Variants in EPM2A observed in about 807,000 individuals in gnomAD.
EPM2A encodes the protein laforin.
A neutral mutation model predicts 26.5 loss-of-function variants in EPM2A; 21 were observed. The observed-to-expected ratio is 0.79, with a 90% confidence interval of 0.56 to 1.14. The LOEUF is 1.14. Among genes scored for constraint, EPM2A ranks in the 50% most tolerant of loss-of-function variants. The pLI is 0.00. For missense variants in EPM2A, 458 were observed against 440.8 expected (o/e 1.04, Z -0.35); for synonymous variants, 217 against 177.6 (o/e 1.22, Z -1.76).
chr6:145,688,845 T>A lies in EPM2A; in HGVS notation c.302-2549A>T, dbSNP rs188184818. Reference sequence around the variant, plus strand: ...CATGACTGAAAGTGTAAACATAGACTACAAACTGGATATGGTTACTTCTAG... The same window carrying A: ...CATGACTGAAAGTGTAAACATAGACAACAAACTGGATATGGTTACTTCTAG... On this transcript the variant is annotated intron_variant, in intron 1 of 3. Transcript: ENST00000367519. Among the ~76,000 whole-genome samples the A allele has an allele frequency of 2.6e-5, 4 of 152,268 alleles. No individual in the cohort carries two copies. In the East Asian group the frequency reaches 7.7e-4, roughly 29 times the overall value.
chr6:145,496,014 A>G (rs906577986), intron 4 of EPM2A, among the ~76,000 whole-genome samples: 1 of 152,106 alleles, frequency 6.6e-6, no homozygotes, highest in Non-Finnish European at 1.5e-5. Context: ...CAACTCTCTC[A>G]GCATTTGCTT....
chr6:145,437,526 G>A (rs147057964), intron 4 of EPM2A, among the ~76,000 whole-genome samples: 2,180 of 152,110 alleles, frequency 0.014, 21 homozygotes, highest in Non-Finnish European at 0.02. Flanking sequence ...AAGAAAATAC[G>A]CTGATCAAAA....
intron 4 of EPM2A, among the ~76,000 whole-genome samples, chr6:145,419,465 A>C (rs1042527164): frequency 6.6e-6 from 1 of 152,174 alleles, no homozygotes; most frequent in African/African-American, 2.4e-5. Flanking sequence ...AAATCTCAAA[A>C]ATTGGAAGAA....
chr6:145,446,717 C>T lies in EPM2A; in HGVS notation c.555+55805G>A, dbSNP rs148434730. 1.1e-4 allele frequency among the ~76,000 whole-genome samples: 16 copies of T among 152,022 alleles called. 1 individual carries two copies. The East Asian group carries it at 3.1e-3, about 30-fold the overall frequency. On this transcript the variant is annotated intron_variant, in intron 4 of 4. Transcript: ENST00000638717. ...TTGCCTTTTGAGCCTCTTATCACTT[C>T]TTCTGCTTGGTTGCTTGGAAAATCG...
rs149162890 is a variant in EPM2A at position 145,593,790 on chromosome 6, C to A, written c.340+41455G>T. On this transcript the variant is annotated intron_variant, in intron 2 of 3. Transcript: ENST00000450221. ...GTGCTTAGATGAAAATTTTTAGCAT[C>A]ATTAAATGCATATTATTAGAAAAAA... 3.8e-3 allele frequency among the ~76,000 whole-genome samples: 581 copies of A among 151,842 alleles called. 2 individuals are homozygous for A. Among genetic ancestry groups the A allele is most frequent in the African/African-American group, 0.014 (566 of 41,488 alleles).
At chr6:145,519,445 T>C (rs1340247133) in intron 2 of EPM2A, among the ~76,000 whole-genome samples, 3 of 152,198 alleles carry the variant, frequency 2.0e-5, no homozygotes, top group East Asian at 1.9e-4. Flanking sequence ...CCCTTCAGGG[T>C]TGGTTTTGCT....
chr6:145,464,692 C>T (rs576488393), intron 4 of EPM2A, among the ~76,000 whole-genome samples: 1 of 152,138 alleles, frequency 6.6e-6, no homozygotes, highest in Admixed American at 6.6e-5. Context: ...TATTTTCTCC[C>T]AGTCTGTCAC....
intron 4 of EPM2A, among the ~76,000 whole-genome samples, chr6:145,444,658 C>A (rs777797770): frequency 3.9e-5 from 6 of 152,054 alleles, no homozygotes; most frequent in Non-Finnish European, 8.8e-5. Flanking sequence ...GATTTTTTTC[C>A]AAAAAGTCCA....
chr6:145,695,775 C>T (rs1406214863), intron 1 of EPM2A, among the ~76,000 whole-genome samples: 1 of 151,924 alleles, frequency 6.6e-6, no homozygotes, highest in Non-Finnish European at 1.5e-5. Flanking sequence ...CATAGTAGCT[C>T]CTAAATATTT....
chr6:145,514,413 C>T (rs1780097017), intron 2 of EPM2A, among the ~76,000 whole-genome samples: 2 of 151,954 alleles, frequency 1.3e-5, no homozygotes, highest in Admixed American at 1.3e-4. Context: ...GGGGAGTATG[C>T]TGGGAATGAA....
chr6:145,512,059 A>AG (rs1252253249), intron 2 of EPM2A, among the ~76,000 whole-genome samples: 2 of 152,134 alleles, frequency 1.3e-5, no homozygotes, highest in Non-Finnish European at 2.9e-5. Context: ...TAATCAAGGA[A>AG]GTGAAAGATC....
In EPM2A at chr6:145,429,789, T is replaced by G. The variant is rs527514710; in HGVS notation, c.556-45692A>C. ...AAAATAGTTAATTGTGAGATTTGTT[T>G]TTGTAAGTAGAAAGCATATAGGATT... On this transcript the variant is annotated intron_variant, in intron 4 of 4. Transcript: ENST00000638717. 2.6e-5 allele frequency among the ~76,000 whole-genome samples: 4 copies of G among 152,346 alleles called. No homozygotes were observed. The East Asian group carries it at 7.7e-4, about 29-fold the overall frequency.
intron 4 of EPM2A, among the ~76,000 whole-genome samples, chr6:145,496,209 C>G (rs1442229429): frequency 1.3e-5 from 2 of 152,102 alleles, no homozygotes; most frequent in Non-Finnish European, 2.9e-5. Flanking sequence ...GGTAATCTGG[C>G]CTTTCTCTTA....
chr6:145,443,331 T>A (rs1395267649), intron 4 of EPM2A, among the ~76,000 whole-genome samples: 4 of 152,202 alleles, frequency 2.6e-5, no homozygotes, highest in African/African-American at 9.6e-5. Flanking sequence ...AGTATAGCCA[T>A]TTTAACAATA....
At chr6:145,603,280 A>T (rs932722959) in intron 2 of EPM2A, among the ~76,000 whole-genome samples, 2 of 43,554 alleles carry the variant, frequency 4.6e-5, no homozygotes, top group Non-Finnish European at 9.2e-5. Context: ...TCTCTAAATT[A>T]AAAAAAAAAA....
At chr6:145,403,185 A>G (rs1778517417) in intron 4 of EPM2A, among the ~76,000 whole-genome samples, 1 of 152,168 alleles carries the variant, frequency 6.6e-6, no homozygotes, top group African/African-American at 2.4e-5. Flanking sequence ...TCAAATAATC[A>G]CATCATGGAG....
chr6:145,712,199 G>A (rs1775371002), intron 1 of EPM2A, among the ~76,000 whole-genome samples: 1 of 152,120 alleles, frequency 6.6e-6, no homozygotes, highest in Non-Finnish European at 1.5e-5. Flanking sequence ...TGGTGAAGAT[G>A]AAGCCTGCAG....
chr6:145,439,308 T>A (rs938143144), intron 4 of EPM2A, among the ~76,000 whole-genome samples: 10 of 152,170 alleles, frequency 6.6e-5, no homozygotes, highest in Non-Finnish European at 1.2e-4. Context: ...AGAATTTATA[T>A]CCCTTTGGAT....
chr6:145,710,601 C>T (rs1775258838), intron 1 of EPM2A, among the ~76,000 whole-genome samples: 2 of 152,254 alleles, frequency 1.3e-5, no homozygotes, highest in South Asian at 2.1e-4. Flanking sequence ...TACCATTTGA[C>T]CCAGCCCTCC....
Sources: gnomAD v4.1 joint callset for allele counts (sites outside exome capture counted in the v4.1 genomes callset) on GRCh38, gnomAD v4.1.1 for gene constraint, MANE v1.5 for transcripts, NCBI Gene and HGNC (gene_info 2026-07-23, HGNC 2026-07-21) for gene names.